The following AQP9 variants were observed in gnomAD, a reference collection of about 807,000 sequenced individuals.
AQP9 encodes aquaporin-9.
AQP9 carries 19 observed loss-of-function variants against 23.8 expected under a neutral mutation model. The ratio of observed to expected loss-of-function variants is 0.80; its 90% CI spans 0.56 to 1.17. The LOEUF (loss-of-function observed/expected upper bound fraction) is 1.17. Among genes scored for constraint, AQP9 ranks in the 50% most tolerant of loss-of-function variants. The probability of loss-of-function intolerance (pLI) is 0.00; values close to 1 mark genes in which losing one functional copy is unlikely to be tolerated. For synonymous variants in AQP9, 153 were observed against 131.5 expected (o/e 1.16, Z -1.12); for missense variants, 413 against 362.0 (o/e 1.14, Z -1.14).
rs542588358 is a variant in AQP9 at position 58,138,581 on chromosome 15, G to A, written c.16G>A (p.Ala6Thr). Residue 6 changes from alanine (A) to threonine (T), a missense_variant, in exon 1 of 6, where the codon GCA becomes ACA. Coordinates refer to ENST00000219919, the MANE Select transcript of AQP9 (RefSeq NM_020980.5). MQPEGAEKGKSFKQRL... is the reference protein window; with the variant it reads MQPEGTEKGKSFKQRL... ...AAGCCCCAAGATGCAGCCTGAGGGA[G>A]CAGAAAAGGGAAAAAGCTTCAAGCA... 2 of 1,613,734 alleles carry A rather than the reference G, an allele frequency of 1.2e-6. No homozygotes were observed. Among genetic ancestry groups the A allele is most frequent in the Admixed American group, 1.7e-5 (1 of 59,990 alleles).
intron 1 of AQP9, among the ~76,000 whole-genome samples, chr15:58,159,002 G>A (rs1427521320): frequency 2.0e-5 from 3 of 152,152 alleles, no homozygotes; most frequent in South Asian, 4.1e-4. Flanking sequence ...ATTCTGCTAG[G>A]ACTATCTTGT....
chr15:58,180,899 A>T (rs1368540215), intron 5 of AQP9, among the ~76,000 whole-genome samples: 1 of 152,242 alleles, frequency 6.6e-6, no homozygotes, highest in Non-Finnish European at 1.5e-5. Flanking sequence ...AAATGTCCGC[A>T]ACTAGGATGG....
chr15:58,142,162 G>A, intron 1 of AQP9, among the ~76,000 whole-genome samples: 1 of 152,168 alleles, frequency 6.6e-6, no homozygotes, highest in East Asian at 1.9e-4. Flanking sequence ...CTCTTCCCTT[G>A]AGCAGCACAG....
intron 1 of AQP9, among the ~76,000 whole-genome samples, chr15:58,143,472 A>G (rs1897985818): frequency 6.6e-6 from 1 of 152,222 alleles, no homozygotes; most frequent in Non-Finnish European, 1.5e-5. Flanking sequence ...AGGACTTAGT[A>G]TGTTTAAGTC....
chr15:58,144,121 T>C (rs1255630399), intron 1 of AQP9, among the ~76,000 whole-genome samples: 1 of 152,230 alleles, frequency 6.6e-6, no homozygotes, highest in Non-Finnish European at 1.5e-5. Context: ...GTGCCTCTTT[T>C]GTAAATTGCC....
intron 1 of AQP9, among the ~76,000 whole-genome samples, chr15:58,164,730 A>G (rs1396911249): frequency 6.6e-6 from 1 of 152,112 alleles, no homozygotes; most frequent in Non-Finnish European, 1.5e-5. Context: ...ACTAGAAGGG[A>G]CATGAAAGCA....
intron 1 of AQP9, among the ~76,000 whole-genome samples, chr15:58,160,645 A>C (rs1156970297): frequency 6.6e-6 from 1 of 151,462 alleles, no homozygotes; most frequent in East Asian, 1.9e-4. Context: ...CTGAAAAAAA[A>C]TGTACTTCCC....
chr15:58,177,492 C>A (rs140129206), intron 4 of AQP9, among the ~76,000 whole-genome samples: 2 of 152,272 alleles, frequency 1.3e-5, no homozygotes, highest in East Asian at 3.9e-4. Flanking sequence ...GAACATGTGT[C>A]TTTTAATATT....
intron 1 of AQP9, among the ~76,000 whole-genome samples, chr15:58,156,805 C>G (rs552548927): frequency 2.5e-4 from 38 of 152,290 alleles, no homozygotes; most frequent in African/African-American, 7.0e-4. Flanking sequence ...TTGGCCACTT[C>G]CAGATTCCCT....
At chr15:58,144,239 C>G (rs998373172) in intron 1 of AQP9, among the ~76,000 whole-genome samples, 1 of 151,326 alleles carries the variant, frequency 6.6e-6, no homozygotes, top group Non-Finnish European at 1.5e-5. Flanking sequence ...TTTGTGTTTT[C>G]TTATTGAGGT....
intron 1 of AQP9, among the ~76,000 whole-genome samples, chr15:58,149,993 A>G (rs1182554369): frequency 6.6e-6 from 1 of 152,210 alleles, no homozygotes; most frequent in East Asian, 1.9e-4. Flanking sequence ...TGTTATCACC[A>G]TGGTATCTGC....
chr15:58,159,263 T>A (rs1174241112), intron 1 of AQP9, among the ~76,000 whole-genome samples: 1 of 152,030 alleles, frequency 6.6e-6, no homozygotes, highest in Non-Finnish European at 1.5e-5. Flanking sequence ...ACATTTCATA[T>A]CCTACCCCCA....
In AQP9 at chr15:58,166,746, T is replaced by C. The variant is rs1199618548; in HGVS notation, c.185T>C (p.Val62Ala). ...TTTGGAGGGGTCATCACTATCAATG[T>C]TGGATTTTCAATGGCAGTTGCAATG... ...GRFGGVITIN[V>A]GFSMAVAMAI... Residue 62 changes from valine (V) to alanine (A), a missense_variant, in exon 2 of 6, where the codon GTT becomes GCT. Transcript: ENST00000219919. 6.2e-7 allele frequency: 1 copy of C among 1,613,912 alleles called. No homozygotes were observed. The highest frequency in any genetic ancestry group is 8.5e-7 in the Non-Finnish European group (1 of 1,179,880).
chr15:58,185,595 C>T lies in AQP9; in HGVS notation c.*1460C>T, dbSNP rs548099537. On this transcript the variant is annotated 3_prime_UTR_variant, in exon 6 of 6. Coordinates refer to ENST00000219919, the MANE Select transcript of AQP9 (RefSeq NM_020980.5). ...ACCAAACATTACATTCAGGGGATTT[C>T]CTCTGGCTCAGTCTTTTCCCCTTGA... is the stretch of plus-strand genomic sequence containing the variant. 6.6e-6 allele frequency: 1 copy of T among 152,328 alleles called. No individual in the cohort carries two copies. Among genetic ancestry groups the T allele is most frequent in the East Asian group, 1.9e-4 (1 of 5,188 alleles). The allele number at this position is 152,328 out of a possible 1,614,324, so 9.4% of individuals were successfully genotyped here. A position where few individuals can be genotyped will look rare whatever the true frequency, so the allele number is the denominator to read the frequency against.
chr15:58,178,589 A>T (rs1404469541), intron 4 of AQP9, among the ~76,000 whole-genome samples: 1 of 152,208 alleles, frequency 6.6e-6, no homozygotes, highest in Non-Finnish European at 1.5e-5. Flanking sequence ...AATAACGGGT[A>T]TCTTTTTCCT....
At chr15:58,160,656 TGGTG>T (rs1898358691) in intron 1 of AQP9, among the ~76,000 whole-genome samples, 4 of 150,256 alleles carry the variant, frequency 2.7e-5, no homozygotes, top group African/African-American at 9.7e-5. Flanking sequence ...TGTACTTCCC[TGGTG>T]GACATTATAG....
intron 1 of AQP9, among the ~76,000 whole-genome samples, chr15:58,143,290 A>T (rs1406500343): frequency 1.3e-5 from 2 of 152,200 alleles, no homozygotes; most frequent in Admixed American, 1.3e-4. Context: ...TTGAAGCAAG[A>T]GTTTAAAGAC....
chr15:58,181,588 GC>G (rs777340366), intron 5 of AQP9, among the ~76,000 whole-genome samples: 2 of 152,176 alleles, frequency 1.3e-5, no homozygotes, highest in Non-Finnish European at 2.9e-5. Flanking sequence ...ATCTAGTCTA[GC>G]TGGAAGGGTG....
At chr15:58,181,037 A>T (rs4775018) in intron 5 of AQP9, among the ~76,000 whole-genome samples, 134,896 of 152,216 alleles carry the variant, frequency 0.89, 60,482 homozygotes, top group Non-Finnish European at 0.96. Context: ...TTGGAGACCA[A>T]GCTCTTCTTC....
Sources: gnomAD v4.1 joint callset for allele counts (sites outside exome capture counted in the v4.1 genomes callset) on GRCh38, gnomAD v4.1.1 for gene constraint, MANE v1.5 for transcripts, NCBI Gene and HGNC (gene_info 2026-07-23, HGNC 2026-07-21) for gene names.